Variants in SPATA17 observed in about 807,000 individuals in gnomAD.
SPATA17 encodes the protein spermatogenesis associated 17, also known as spermatogenesis-associated protein 17.
A neutral mutation model predicts 62.2 loss-of-function variants in SPATA17; 53 were observed. The observed-to-expected ratio is 0.85, with a 90% confidence interval of 0.68 to 1.07. SPATA17 has a LOEUF of 1.07. Among genes scored for constraint, SPATA17 ranks in the 50% least tolerant of loss-of-function variants. The pLI, the probability that SPATA17 is intolerant of heterozygous loss-of-function variation, is 0.00. For missense variants in SPATA17, 466 were observed against 425.5 expected, an observed-to-expected ratio of 1.10 and a Z score of -0.84; for synonymous variants, 146 against 146.8, an observed-to-expected ratio of 0.99 and a Z score of 0.04.
chr1:217,660,498 A>C (rs1471694185), intron 3 of SPATA17, among the ~76,000 whole-genome samples: 2 of 152,342 alleles, frequency 1.3e-5, no homozygotes, highest in East Asian at 3.9e-4. Context: ...AGTATGTGCC[A>C]GGGTGGATTG....
At chr1:217,742,200 A>T in intron 6 of SPATA17, 102 bp downstream of exon 6, 1 of 1,429,820 alleles carries the variant, frequency 7.0e-7, no homozygotes, top group East Asian at 2.3e-5. Flanking sequence ...TTGAAAAGAT[A>T]TCACAAAGAC....
At chr1:217,696,063 T>C (rs1671448791) in intron 5 of SPATA17, among the ~76,000 whole-genome samples, 1 of 152,170 alleles carries the variant, frequency 6.6e-6, no homozygotes, top group African/African-American at 2.4e-5. Context: ...TAAGCAAGCC[T>C]GGGCAATGGC....
At chr1:217,754,332 C>T (rs1206518844) in intron 6 of SPATA17, among the ~76,000 whole-genome samples, 3 of 152,076 alleles carry the variant, frequency 2.0e-5, no homozygotes, top group African/African-American at 7.2e-5. Flanking sequence ...AGAGATTAAG[C>T]TTTAGGTGGT....
At chr1:217,792,744 G>A (rs769556717) in intron 8 of SPATA17, among the ~76,000 whole-genome samples, 7 of 152,090 alleles carry the variant, frequency 4.6e-5, no homozygotes, top group Non-Finnish European at 1.0e-4. Flanking sequence ...CACGACTGTG[G>A]TCTCGGGGAG....
intron 5 of SPATA17, among the ~76,000 whole-genome samples, chr1:217,683,902 T>G (rs1671159970): frequency 6.6e-6 from 1 of 152,158 alleles, no homozygotes; most frequent in Non-Finnish European, 1.5e-5. Flanking sequence ...TTTATTTATG[T>G]GTGTAGTATC....
At chr1:217,765,917 T>G (rs952594452) in intron 6 of SPATA17, among the ~76,000 whole-genome samples, 1 of 152,050 alleles carries the variant, frequency 6.6e-6, no homozygotes, top group Non-Finnish European at 1.5e-5. Context: ...TTACCCCTCT[T>G]TATCCCTGAT....
At chr1:217,659,743 A>G (rs1022999745) in intron 3 of SPATA17, among the ~76,000 whole-genome samples, 1 of 152,066 alleles carries the variant, frequency 6.6e-6, no homozygotes, top group Non-Finnish European at 1.5e-5. Context: ...TAGTACTGCA[A>G]TTCAACCAGA....
At chr1:217,796,136 C>A (rs1028340061) in intron 8 of SPATA17, among the ~76,000 whole-genome samples, 4 of 152,112 alleles carry the variant, frequency 2.6e-5, no homozygotes, top group South Asian at 2.1e-4. Context: ...CTAAGTTCAT[C>A]ATTTTTAGCC....
chr1:217,723,603 A>G (rs1179633274), intron 5 of SPATA17, among the ~76,000 whole-genome samples: 2 of 152,206 alleles, frequency 1.3e-5, no homozygotes, highest in African/African-American at 4.8e-5. Context: ...ACAGTACTTG[A>G]AACATAGTGG....
intron 7 of SPATA17, among the ~76,000 whole-genome samples, chr1:217,779,794 A>G (rs1210081878): frequency 6.6e-6 from 1 of 152,148 alleles, no homozygotes; most frequent in African/African-American, 2.4e-5. Context: ...TAATCAGAGT[A>G]GCTTTACTTG....
At chr1:217,700,582 T>TTTTTTTC (rs1223044716) in intron 5 of SPATA17, among the ~76,000 whole-genome samples, 2 of 151,996 alleles carry the variant, frequency 1.3e-5, no homozygotes, top group African/African-American at 2.4e-5. Flanking sequence ...TACATACATT[T>TTTTTTTC]TTTTTTCTTT....
intron 5 of SPATA17, among the ~76,000 whole-genome samples, chr1:217,719,178 A>G (rs1028765637): frequency 1.3e-5 from 2 of 152,246 alleles, no homozygotes; most frequent in African/African-American, 4.8e-5. Context: ...ATATGTGGTC[A>G]TGGAAGATAA....
intron 9 of SPATA17, among the ~76,000 whole-genome samples, chr1:217,862,133 A>G (rs1308639555): frequency 2.0e-5 from 3 of 151,860 alleles, no homozygotes; most frequent in Non-Finnish European, 1.5e-5. Context: ...AAGAAGAAAC[A>G]TACACCTTTA....
intron 6 of SPATA17, among the ~76,000 whole-genome samples, chr1:217,747,255 G>A (rs956991757): frequency 1.3e-5 from 2 of 151,968 alleles, no homozygotes; most frequent in Non-Finnish European, 2.9e-5. Context: ...ACACATATAA[G>A]ACATATTTCC....
At chr1:217,742,206 A>C in intron 6 of SPATA17, 108 bp downstream of exon 6, 7 of 1,375,328 alleles carry the variant, frequency 5.1e-6, no homozygotes, top group Non-Finnish European at 7.0e-6. Flanking sequence ...AGATATCACA[A>C]AGACACTACT....
At chr1:217,725,290 T>G (rs1672234785) in intron 5 of SPATA17, among the ~76,000 whole-genome samples, 2 of 152,220 alleles carry the variant, frequency 1.3e-5, no homozygotes, top group South Asian at 4.1e-4. Flanking sequence ...CAACCTGTGC[T>G]GTCTGATTCT....
Position 217,848,809 on chromosome 1 carries a change from C to T in SPATA17, c.1006-13965C>T, listed in dbSNP as rs560702477. ...TCTCAGATCTTTTTTACTGGAGCTC[C>T]TCTAGTCAGAAATCAAATTCTCTAA... On this transcript the variant is annotated intron_variant, in intron 9 of 10. Transcript: ENST00000366933. Among the ~76,000 whole-genome samples, 149 of 152,098 alleles carry T rather than the reference C, an allele frequency of 9.8e-4. 1 individual carries two copies. Among genetic ancestry groups the T allele is most frequent in the African/African-American group, 3.3e-3 (137 of 41,524 alleles).
At chr1:217,776,853 C>A (rs1052187928) in intron 7 of SPATA17, among the ~76,000 whole-genome samples, 3 of 152,022 alleles carry the variant, frequency 2.0e-5, no homozygotes, top group African/African-American at 4.8e-5. Flanking sequence ...AGCTGCCTCA[C>A]AACATGGTAA....
intron 8 of SPATA17, among the ~76,000 whole-genome samples, chr1:217,798,782 A>C (rs1182611071): frequency 6.7e-6 from 1 of 148,956 alleles, no homozygotes; most frequent in East Asian, 2.0e-4. Context: ...CATCATAGAG[A>C]AGTTAAGTAA....
Sources: allele counts gnomAD v4.1 joint callset (sites outside exome capture counted in the v4.1 genomes callset), GRCh38; gene constraint gnomAD v4.1.1; transcripts MANE v1.5; gene names NCBI Gene and HGNC (gene_info 2026-07-23, HGNC 2026-07-21).